ASCL5: variants seen among roughly 807,000 people sequenced by gnomAD.
ASCL5 encodes the protein achaete-scute homolog 5.
For missense variants in ASCL5, 262 were observed against 268.9 expected (o/e 0.97, Z 0.18); for synonymous variants, 124 against 131.5 (o/e 0.94, Z 0.39).
At chr1:201,122,108 C>CT (rs1326769694) in intron 1 of ASCL5, among the ~76,000 whole-genome samples, 1 of 152,220 alleles carries the variant, frequency 6.6e-6, no homozygotes, top group African/African-American at 2.4e-5. Flanking sequence ...GCTTCATGCT[C>CT]TGGGTGGGTG....
intron 1 of ASCL5, among the ~76,000 whole-genome samples, chr1:201,122,385 A>T (rs1323054131): frequency 6.6e-6 from 1 of 152,196 alleles, no homozygotes; most frequent in African/African-American, 2.4e-5. Flanking sequence ...AAGAAGAGAA[A>T]CAGGGTGGAG....
chr1:201,122,448 G>A (rs1472820208), intron 1 of ASCL5, among the ~76,000 whole-genome samples: 1 of 152,140 alleles, frequency 6.6e-6, no homozygotes, highest in Non-Finnish European at 1.5e-5. Context: ...GCTTTGCGGC[G>A]TGCTCTGCTT....
intron 1 of ASCL5, among the ~76,000 whole-genome samples, chr1:201,118,253 G>T (rs6667677): frequency 0.12 from 17,948 of 152,154 alleles, 1,103 homozygotes; most frequent in Middle Eastern, 0.18. Flanking sequence ...GCCAAGGAGG[G>T]AGGATCACTT....
chr1:201,118,245 C>T (rs1663385160), intron 1 of ASCL5, among the ~76,000 whole-genome samples: 1 of 152,028 alleles, frequency 6.6e-6, no homozygotes, highest in South Asian at 2.1e-4. Context: ...TTTGTGAGGC[C>T]AAGGAGGGAG....
rs1042194195 is a variant in ASCL5 at position 201,115,644 on chromosome 1, C to G, written c.-272G>C. On this transcript the variant is annotated 5_prime_UTR_variant, in exon 2 of 2. Coordinates refer to ENST00000449188, the MANE Select transcript of ASCL5 (RefSeq NM_001270601.2). ...GCCGCGGAACTCTGAGGGCCCGCAC[C>G]CCGTTCCGCAGCACCCATGGGCATG... is the stretch of plus-strand genomic sequence containing the variant. The G allele has an allele frequency of 3.6e-6, 1 of 280,958 alleles. No homozygotes were observed. The highest frequency in any genetic ancestry group is 2.2e-5 in the African/African-American group (1 of 46,044). 17.4% of individuals were successfully genotyped at this position (280,958 alleles called of 1,614,324 possible).
In ASCL5 at chr1:201,114,750, G is replaced by A. The variant is rs983928594; in HGVS notation, c.*2C>T. The A allele has an allele frequency of 4.9e-6, 6 of 1,230,854 alleles. No homozygotes were observed. In the East Asian group the frequency reaches 1.9e-4, roughly 39 times the overall value. 76.2% of individuals were successfully genotyped at this position (1,230,854 alleles called of 1,614,324 possible). ...CCAAGCCGGGGGCGGCCACAGGCCC[G>A]ATCAATGCCAGGATTCCTCCGACTC... is the stretch of plus-strand genomic sequence containing the variant. On this transcript the variant is annotated 3_prime_UTR_variant, in exon 2 of 2. Transcript: ENST00000449188.
At chr1:201,117,987 G>T (rs1663378611) in intron 1 of ASCL5, among the ~76,000 whole-genome samples, 1 of 152,172 alleles carries the variant, frequency 6.6e-6, no homozygotes. Context: ...AATTTAATTT[G>T]ATAGGGGTCA....
chr1:201,125,221 C>T (rs573335028), intron 1 of ASCL5, among the ~76,000 whole-genome samples: 46 of 152,322 alleles, frequency 3.0e-4, no homozygotes, highest in African/African-American at 9.9e-4. Flanking sequence ...CATGAAAACA[C>T]GCTGGCACGC....
chr1:201,115,630 C>CT lies in ASCL5; in HGVS notation c.-259dup. ...AGCCAGCCCATGGCGCCGCGGAACTCTGAGGGCCCGCACCCCGTTCCGCAG... is the reference window on the plus strand; with the variant it reads ...AGCCAGCCCATGGCGCCGCGGAACTCTTGAGGGCCCGCACCCCGTTCCGCAG... On this transcript the variant is annotated 5_prime_UTR_variant, in exon 2 of 2. An upstream open reading frame in the 5' UTR loses its in-frame stop. Transcript: ENST00000449188. The CT allele has an allele frequency of 3.2e-6, 1 of 312,006 alleles. No homozygotes were observed. The highest frequency in any genetic ancestry group is 5.8e-6 in the Non-Finnish European group (1 of 171,806). The allele number at this position is 312,006 out of a possible 1,614,324, so 19.3% of individuals were successfully genotyped here.
chr1:201,123,913 G>A (rs1325579385), intron 1 of ASCL5, among the ~76,000 whole-genome samples: 1 of 152,122 alleles, frequency 6.6e-6, no homozygotes, highest in Non-Finnish European at 1.5e-5. Flanking sequence ...CATTGGGGGT[G>A]GGTTTTGGGG....
intron 1 of ASCL5, among the ~76,000 whole-genome samples, chr1:201,116,985 T>C (rs1178005652): frequency 6.6e-6 from 1 of 152,104 alleles, no homozygotes; most frequent in Non-Finnish European, 1.5e-5. Context: ...GGTGGCAAAC[T>C]CAGATTCCCG....
chr1:201,121,721 C>T (rs1179565594), intron 1 of ASCL5, among the ~76,000 whole-genome samples: 1 of 151,944 alleles, frequency 6.6e-6, no homozygotes, highest in East Asian at 1.9e-4. Context: ...GTCCCGGCTA[C>T]TCAGGAGGCT....
chr1:201,124,340 G>A (rs10158720), intron 1 of ASCL5, among the ~76,000 whole-genome samples: 5 of 151,970 alleles, frequency 3.3e-5, no homozygotes, highest in Non-Finnish European at 7.4e-5. Context: ...GCCCCCAAGG[G>A]TGCTGCCTGC....
intron 1 of ASCL5, among the ~76,000 whole-genome samples, chr1:201,124,131 G>A (rs1663533336): frequency 6.6e-6 from 1 of 152,218 alleles, no homozygotes; most frequent in Non-Finnish European, 1.5e-5. Flanking sequence ...AAGACAAAGA[G>A]GAAGGAAAAT....
chr1:201,126,043 G>A (rs969592075), intron 1 of ASCL5, among the ~76,000 whole-genome samples: 14 of 152,180 alleles, frequency 9.2e-5, no homozygotes, highest in African/African-American at 1.9e-4. Flanking sequence ...GGCTCACACC[G>A]TAGGGAAGGA....
intron 1 of ASCL5, among the ~76,000 whole-genome samples, chr1:201,117,049 C>T (rs1378469369): frequency 6.6e-6 from 1 of 152,212 alleles, no homozygotes; most frequent in Admixed American, 6.5e-5. Context: ...GGCCCTGAGT[C>T]TGTTTCCAGC....
In ASCL5 at chr1:201,121,665, A is replaced by G. The variant is rs560384306; in HGVS notation, c.-506+5419T>C. 3.3e-5 allele frequency among the ~76,000 whole-genome samples: 5 copies of G among 152,086 alleles called. No homozygotes were observed. In the South Asian group the frequency reaches 1.0e-3, roughly 32 times the overall value. On this transcript the variant is annotated intron_variant, in intron 1 of 1. Transcript: ENST00000449188. ...ATACTTTAGTAGAGACCCTATCTCT[A>G]CTAAAAATAAAAACGGTTAACTGGA...
At chr1:201,120,206 G>A (rs542159682) in intron 1 of ASCL5, among the ~76,000 whole-genome samples, 13 of 152,108 alleles carry the variant, frequency 8.5e-5, no homozygotes, top group Admixed American at 7.9e-4. Flanking sequence ...TATTGTCAGC[G>A]GGGGTCTCCT....
At chr1:201,120,946 C>T (rs759416784) in intron 1 of ASCL5, among the ~76,000 whole-genome samples, 20 of 152,336 alleles carry the variant, frequency 1.3e-4, no homozygotes, top group Admixed American at 1.1e-3. Context: ...AAACTGGGAA[C>T]ATTTGTAAGG....
Sources: allele counts gnomAD v4.1 joint callset (sites outside exome capture counted in the v4.1 genomes callset), GRCh38; gene constraint gnomAD v4.1.1; transcripts MANE v1.5; gene names NCBI Gene and HGNC (gene_info 2026-07-23, HGNC 2026-07-21).